The following OSBPL3 variants were observed in gnomAD, a reference collection of about 807,000 sequenced individuals.
OSBPL3 encodes the protein oxysterol-binding protein-related protein 3.
In OSBPL3, 65 loss-of-function variants were observed where a neutral mutation model predicts 120.1. The ratio of observed to expected loss-of-function variants is 0.54; its 90% confidence interval spans 0.44 to 0.67. The LOEUF (loss-of-function observed/expected upper bound fraction) is 0.67, where lower values mean the gene tolerates loss of function less well. Among genes scored for constraint, OSBPL3 ranks in the 30% least tolerant of loss-of-function variants. OSBPL3 has a pLI of 0.00. For synonymous variants in OSBPL3, 416 were observed against 402.6 expected, an observed-to-expected ratio of 1.03 and a Z score of -0.40; for missense variants, 1,004 against 1,082.1, an observed-to-expected ratio of 0.93 and a Z score of 1.01.
intron 2 of OSBPL3, among the ~76,000 whole-genome samples, chr7:24,875,508 G>A (rs964548892): frequency 2.6e-5 from 4 of 152,160 alleles, no homozygotes; most frequent in African/African-American, 7.2e-5. Flanking sequence ...AGTAAAGCAT[G>A]ATGCTGACAT....
chr7:24,934,862 T>C (rs567142965), intron 1 of OSBPL3, among the ~76,000 whole-genome samples: 1 of 152,228 alleles, frequency 6.6e-6, no homozygotes. Flanking sequence ...ATAATTTTGC[T>C]GAAATGCCTT....
At chr7:24,919,405 G>A (rs534583899) in intron 1 of OSBPL3, among the ~76,000 whole-genome samples, 10 of 152,114 alleles carry the variant, frequency 6.6e-5, no homozygotes, top group Admixed American at 2.6e-4. Context: ...AATCCAAAGG[G>A]GAAATAAAGG....
At chr7:24,889,701 C>G (rs1027938902) in intron 2 of OSBPL3, among the ~76,000 whole-genome samples, 4 of 152,162 alleles carry the variant, frequency 2.6e-5, no homozygotes, top group Non-Finnish European at 5.9e-5. Flanking sequence ...TGTCCATTAG[C>G]CTGTTTCTGA....
Position 24,827,232 on chromosome 7 carries a change from G to A in OSBPL3, c.1884+3536C>T, listed in dbSNP as rs141190870. ...TCAATGACACATAATGGACAAGGGC[G>A]GAGTCATGCTGTCTCCATCAAGGTA... On this transcript the variant is annotated intron_variant, in intron 16 of 22. Coordinates refer to ENST00000313367, the MANE Select transcript of OSBPL3 (RefSeq NM_015550.4). This position sits in a 1 kb window ranked among gnomAD's most constrained non-coding sequence, Gnocchi z 5.1. Among the ~76,000 whole-genome samples, 9 of 152,348 alleles carry A rather than the reference G, an allele frequency of 5.9e-5. No homozygotes were observed. Among genetic ancestry groups the A allele is most frequent in the East Asian group, 1.9e-4 (1 of 5,190 alleles).
rs1264010113 is a variant in OSBPL3, at chr7:24,946,301, G to A, written c.-150+33585C>T. 6.6e-6 allele frequency among the ~76,000 whole-genome samples: 1 copy of A among 152,150 alleles called. No individual in the cohort carries two copies. Among genetic ancestry groups the A allele is most frequent in the Non-Finnish European group, 1.5e-5 (1 of 68,044 alleles). ...AAATTGCACAGCCTTTTACAACCTA[G>A]ACTACTAAGTTGTCACATAGCGTTA... On this transcript the variant is annotated intron_variant, in intron 1 of 22. Coordinates refer to ENST00000313367, the MANE Select transcript of OSBPL3 (RefSeq NM_015550.4). The surrounding 1 kb of genome is among the most constrained non-coding windows in gnomAD (Gnocchi z 4.3).
intron 1 of OSBPL3, among the ~76,000 whole-genome samples, chr7:24,954,447 A>C (rs1702204085): frequency 1.3e-5 from 2 of 152,176 alleles, no homozygotes. Flanking sequence ...TTCAATTCAT[A>C]TAATCATATC....
intron 1 of OSBPL3, among the ~76,000 whole-genome samples, chr7:24,892,945 A>C (rs1410926771): frequency 6.6e-6 from 1 of 152,244 alleles, no homozygotes; most frequent in African/African-American, 2.4e-5. Context: ...TAGCTATAAT[A>C]ATTTTTTTAA....
At chr7:24,975,053 A>G (rs1041815250) in intron 1 of OSBPL3, among the ~76,000 whole-genome samples, 7 of 152,246 alleles carry the variant, frequency 4.6e-5, no homozygotes, top group African/African-American at 1.4e-4. Flanking sequence ...GCAGGAGCCA[A>G]TTCAGAAAGG....
intron 5 of OSBPL3, among the ~76,000 whole-genome samples, chr7:24,869,820 A>C (rs2128279559): frequency 6.6e-6 from 1 of 152,320 alleles, no homozygotes; most frequent in South Asian, 2.1e-4. Flanking sequence ...TGCCATAGAG[A>C]GGACAGGGAC....
chr7:24,838,184 G>A (rs1482241841), intron 14 of OSBPL3, among the ~76,000 whole-genome samples: 1 of 152,124 alleles, frequency 6.6e-6, no homozygotes, highest in Non-Finnish European at 1.5e-5. Flanking sequence ...ACTGGGTTTT[G>A]CCCAGTGTTT....
chr7:24,913,960 C>T lies in OSBPL3; in HGVS notation c.-149-21339G>A, dbSNP rs560423258. On this transcript the variant is annotated intron_variant, in intron 1 of 22. Coordinates refer to ENST00000313367, the MANE Select transcript of OSBPL3 (RefSeq NM_015550.4). This position sits in a 1 kb window ranked among gnomAD's most constrained non-coding sequence, Gnocchi z 5.3. ...AGATTCATTACGAAAGAGTCAAAAT[C>T]GCAAGCACCATTCAATCCTTTGGTA... 6.6e-6 allele frequency among the ~76,000 whole-genome samples: 1 copy of T among 152,128 alleles called. No homozygotes were observed.
rs542718231 is a variant in OSBPL3, at chr7:24,816,491, T to G, written c.2027+119A>C. 3.1e-5 allele frequency: 22 copies of G among 698,734 alleles called. No individual in the cohort carries two copies. In the South Asian group the frequency reaches 3.5e-4, roughly 11 times the overall value. The allele number at this position is 698,734 out of a possible 1,614,324, so 43.3% of individuals were successfully genotyped here. On this transcript the variant is annotated intron_variant, in intron 18 of 22. Coordinates refer to ENST00000313367, the MANE Select transcript of OSBPL3 (RefSeq NM_015550.4). ...CATTTAAACCTACTGTCAGACAGAT[T>G]AAAAGAAAAAATACACACTCAATGC...
At chr7:24,865,514 TGGGGAC>T in intron 6 of OSBPL3, 49 bp from the exon 7 acceptor site, 2 of 1,591,532 alleles carry the variant, frequency 1.3e-6, no homozygotes, top group South Asian at 2.2e-5. Context: ...CAGAGCCCAT[TGGGGAC>T]ATGTTAAGAC....
chr7:24,970,470 C>G (rs1430793058), intron 1 of OSBPL3, among the ~76,000 whole-genome samples: 2 of 152,180 alleles, frequency 1.3e-5, no homozygotes, highest in African/African-American at 4.8e-5. Context: ...CACTCAACTT[C>G]TCTGCAAAAG....
rs962752265 is a variant in OSBPL3, at chr7:24,948,584, T to C, written c.-150+31302A>G. ...ACCTTCTTCCAGCCCTATTCTATTATCCATTCTATGGAAGAGGATGTCTCC... is the reference window on the plus strand; with the variant it reads ...ACCTTCTTCCAGCCCTATTCTATTACCCATTCTATGGAAGAGGATGTCTCC... On this transcript the variant is annotated intron_variant, in intron 1 of 22. Transcript: ENST00000313367. Among the ~76,000 whole-genome samples, 3 of 152,198 alleles carry C rather than the reference T, an allele frequency of 2.0e-5. 1 individual carries two copies. Among genetic ancestry groups the C allele is most frequent in the African/African-American group, 7.2e-5 (3 of 41,456 alleles).
At chr7:24,887,762 C>T (rs1804743461) in intron 2 of OSBPL3, among the ~76,000 whole-genome samples, 1 of 152,188 alleles carries the variant, frequency 6.6e-6, no homozygotes, top group African/African-American at 2.4e-5. Flanking sequence ...AAAAACACGG[C>T]AATCTTTCCC....
Position 24,804,583 on chromosome 7 carries a change from C to G in OSBPL3, c.2445-146G>C. The G allele has an allele frequency of 1.5e-6, 1 of 657,468 alleles. No homozygotes were observed. The highest frequency in any genetic ancestry group is 1.8e-5 in the African/African-American group (1 of 54,618). 40.7% of individuals were successfully genotyped at this position (657,468 alleles called of 1,614,324 possible). A position where few individuals can be genotyped will look rare whatever the true frequency, so the allele number is the denominator to read the frequency against. On this transcript the variant is annotated intron_variant, in intron 21 of 22. Transcript: ENST00000313367. This position sits in a 1 kb window ranked among gnomAD's most constrained non-coding sequence, Gnocchi z 5.4. ...CCCGCCCCAACCGTTTAATCCGTATCTTGAAGTAGTCAGAGAAGATATTTT... is the reference window on the plus strand; with the variant it reads ...CCCGCCCCAACCGTTTAATCCGTATGTTGAAGTAGTCAGAGAAGATATTTT...
At chr7:24,980,301 C>T (rs1325263067), upstream of OSBPL3, 1 of 152,170 alleles carries the variant, frequency 6.6e-6, no homozygotes, top group Non-Finnish European at 1.5e-5. Context: ...GATGCACAAT[C>T]TCACCAATCA....
At chr7:24,927,015 A>C (rs1811141571) in intron 1 of OSBPL3, among the ~76,000 whole-genome samples, 2 of 152,228 alleles carry the variant, frequency 1.3e-5, no homozygotes, top group South Asian at 4.1e-4. Context: ...TTATTCAAAT[A>C]GATTTTTTTG....
Sources: allele counts gnomAD v4.1 joint callset (sites outside exome capture counted in the v4.1 genomes callset), GRCh38; gene constraint gnomAD v4.1.1; non-coding constraint Gnocchi (gnomAD v3.1); transcripts MANE v1.5; gene names NCBI Gene and HGNC (gene_info 2026-07-23, HGNC 2026-07-21).